MECOM: variants seen among roughly 807,000 people sequenced by gnomAD.
MECOM encodes MDS1 and EVI1 complex locus, also known as histone-lysine N-methyltransferase MECOM.
Under a neutral mutation model 116.3 loss-of-function variants are expected in MECOM, and 13 were observed. The observed-to-expected ratio is 0.11, with a 90% CI of 0.07 to 0.18. The LOEUF (loss-of-function observed/expected upper bound fraction) is 0.18. MECOM is among the 10% of genes least tolerant of loss of function. The pLI is 1.00. For missense variants in MECOM, 1,299 were observed against 1,509.0 expected (o/e 0.86, Z 2.31); for synonymous variants, 528 against 535.2 (o/e 0.99, Z 0.19).
chr3:169,465,736 A>G (rs1560308337), intron 1 of MECOM, among the ~76,000 whole-genome samples: 1 of 152,338 alleles, frequency 6.6e-6, no homozygotes, highest in African/African-American at 2.4e-5. Context: ...ATGATATACT[A>G]AACAATTTTA....
chr3:169,538,436 A>G (rs1181766109), intron 1 of MECOM, among the ~76,000 whole-genome samples: 2 of 152,212 alleles, frequency 1.3e-5, no homozygotes, highest in African/African-American at 4.8e-5. Flanking sequence ...TTAGAGGGAC[A>G]TAGATTCACT....
chr3:169,472,188 C>A (rs925960943), intron 1 of MECOM, among the ~76,000 whole-genome samples: 2 of 150,822 alleles, frequency 1.3e-5, no homozygotes, highest in Admixed American at 6.6e-5. Flanking sequence ...AACTGTGTAC[C>A]AACAAAAATT....
chr3:169,145,474 C>T (rs1401983319), intron 2 of MECOM: 8 of 231,378 alleles, frequency 3.5e-5, no homozygotes, highest in Non-Finnish European at 1.7e-5. Flanking sequence ...TTGGTTTGTT[C>T]AGTCTGTTTG....
intron 2 of MECOM, among the ~76,000 whole-genome samples, chr3:169,308,852 C>T (rs1448549451): frequency 2.6e-5 from 4 of 152,192 alleles, no homozygotes; most frequent in Non-Finnish European, 5.9e-5. Context: ...CGTCTTCCTT[C>T]TCATCCTGAG....
chr3:169,264,855 C>T (rs1225499744), intron 2 of MECOM, among the ~76,000 whole-genome samples: 1 of 152,128 alleles, frequency 6.6e-6, no homozygotes, highest in African/African-American at 2.4e-5. Flanking sequence ...CAGTCCTTTC[C>T]ACAAACTGCT....
chr3:169,650,132 G>A (rs1774702486), intron 1 of MECOM, among the ~76,000 whole-genome samples: 1 of 152,164 alleles, frequency 6.6e-6, no homozygotes, highest in South Asian at 2.1e-4. Context: ...GCTTTAGTGT[G>A]TAACACTATA....
chr3:169,329,467 G>C (rs551014697), intron 2 of MECOM, among the ~76,000 whole-genome samples: 2 of 152,286 alleles, frequency 1.3e-5, no homozygotes, highest in South Asian at 4.1e-4. Flanking sequence ...GCAAGTGCCT[G>C]TTTGTCTGTG....
At chr3:169,583,026 A>T (rs1275677619) in intron 1 of MECOM, among the ~76,000 whole-genome samples, 6 of 152,260 alleles carry the variant, frequency 3.9e-5, no homozygotes, top group Non-Finnish European at 7.3e-5. Flanking sequence ...GTTACATGGC[A>T]CAGAGGAAAT....
At chr3:169,135,649 C>G (rs1736136060) in intron 3 of MECOM, among the ~76,000 whole-genome samples, 1 of 151,978 alleles carries the variant, frequency 6.6e-6, no homozygotes, top group Admixed American at 6.6e-5. Context: ...TCCCATACAT[C>G]TGAAACTTTT....
At chr3:169,126,387 G>C (rs1441674561) in intron 5 of MECOM, among the ~76,000 whole-genome samples, 2 of 152,018 alleles carry the variant, frequency 1.3e-5, no homozygotes, top group East Asian at 3.9e-4. Flanking sequence ...TCTGACACCA[G>C]AGATATTACT....
At chr3:169,375,823 AT>A (rs1730927821) in intron 2 of MECOM, among the ~76,000 whole-genome samples, 1 of 152,186 alleles carries the variant, frequency 6.6e-6, no homozygotes, top group South Asian at 2.1e-4. Context: ...TCCCTAACTC[AT>A]TTTATGAGGC....
At chr3:169,555,181 G>A (rs1761879169) in intron 1 of MECOM, among the ~76,000 whole-genome samples, 1 of 152,194 alleles carries the variant, frequency 6.6e-6, no homozygotes, top group Non-Finnish European at 1.5e-5. Context: ...GCAGCAGCCT[G>A]CCTATTTGTT....
At chr3:169,235,424 C>A (rs1577421574) in intron 2 of MECOM, among the ~76,000 whole-genome samples, 1 of 152,140 alleles carries the variant, frequency 6.6e-6, no homozygotes, top group African/African-American at 2.4e-5. Flanking sequence ...AAGCAAATCA[C>A]TGACAAAATG....
chr3:169,307,824 A>T (rs1177507502), intron 2 of MECOM, among the ~76,000 whole-genome samples: 5 of 152,070 alleles, frequency 3.3e-5, no homozygotes, highest in Non-Finnish European at 7.4e-5. Context: ...CTCCATAGCA[A>T]TTTGAATACG....
intron 2 of MECOM, chr3:169,147,024 T>A: frequency 1.0e-6 from 1 of 992,126 alleles, no homozygotes; most frequent in Non-Finnish European, 1.2e-6. Flanking sequence ...AAGTCTTCTT[T>A]CGTCTGGGTG....
At chr3:169,375,185 G>A (rs1314704137) in intron 2 of MECOM, among the ~76,000 whole-genome samples, 1 of 152,018 alleles carries the variant, frequency 6.6e-6, no homozygotes, top group Non-Finnish European at 1.5e-5. Flanking sequence ...TGTTTAGAGG[G>A]AAATTTGTAA....
At chr3:169,306,604 C>T (rs1717743655) in intron 2 of MECOM, among the ~76,000 whole-genome samples, 1 of 152,196 alleles carries the variant, frequency 6.6e-6, no homozygotes, top group Non-Finnish European at 1.5e-5. Flanking sequence ...TCACTTGAAC[C>T]TGAGAGACAG....
At chr3:169,632,075 T>C (rs1328953697) in intron 1 of MECOM, among the ~76,000 whole-genome samples, 1 of 152,158 alleles carries the variant, frequency 6.6e-6, no homozygotes, top group East Asian at 1.9e-4. Context: ...GCACTTGGTT[T>C]GTGTAAAAGG....
chr3:169,472,557 A>AGAGGG, intron 1 of MECOM, among the ~76,000 whole-genome samples: 1 of 63,274 alleles, frequency 1.6e-5, no homozygotes, highest in East Asian at 4.1e-4. Context: ...GGAAAAGAAA[A>AGAGGG]GAGAGGAGAG....
Sources: allele counts gnomAD v4.1 joint callset (sites outside exome capture counted in the v4.1 genomes callset), GRCh38; gene constraint gnomAD v4.1.1; transcripts MANE v1.5; gene names NCBI Gene and HGNC (gene_info 2026-07-23, HGNC 2026-07-21).